PDE1C: variants seen among roughly 807,000 people sequenced by gnomAD.
The protein encoded by PDE1C is dual specificity calcium/calmodulin-dependent 3',5'-cyclic nucleotide phosphodiesterase 1C.
Under a neutral mutation model 93.1 loss-of-function variants are expected in PDE1C, and 62 were observed. That is an observed-to-expected ratio of 0.67 (90% CI 0.54 to 0.82). The LOEUF (loss-of-function observed/expected upper bound fraction) is 0.82, where lower values mean the gene tolerates loss of function less well. PDE1C is among the 40% of genes least tolerant of loss of function. The pLI, the probability that PDE1C is intolerant of heterozygous loss-of-function variation, is 0.00. For missense variants in PDE1C, 742 were observed against 884.6 expected, an observed-to-expected ratio of 0.84 and a Z score of 2.04; for synonymous variants, 325 against 310.1, an observed-to-expected ratio of 1.05 and a Z score of -0.50.
chr7:32,375,160 G>T (rs141461806), intron 1 of PDE1C, among the ~76,000 whole-genome samples: 3 of 152,174 alleles, frequency 2.0e-5, no homozygotes, highest in Non-Finnish European at 4.4e-5. Context: ...CTGGAGAGAA[G>T]GCAATACCAA....
At chr7:31,715,696 C>T in the PDE1C span, among the ~76,000 whole-genome samples, 2 of 152,168 alleles carry the variant, frequency 1.3e-5, no homozygotes, top group Non-Finnish European at 2.9e-5. Context: ...TCTTCTTGAC[C>T]TTGGGCCTAC....
Position 32,029,520 on chromosome 7 carries a change from G to T in PDE1C, c.128+22034C>A, listed in dbSNP as rs538293619. On this transcript the variant is annotated intron_variant, in intron 2 of 17. Coordinates refer to ENST00000396191, the MANE Select transcript of PDE1C (RefSeq NM_001191057.4). ...TGATAGAATAAATCAAGAAATAATA[G>T]GTGCAAAGCCATCTAGGGTCTGCAA... Among the ~76,000 whole-genome samples, 3 of 152,106 alleles carry T rather than the reference G, an allele frequency of 2.0e-5. No homozygotes were observed. In the South Asian group the frequency reaches 6.2e-4, roughly 32 times the overall value.
intron 17 of PDE1C, among the ~76,000 whole-genome samples, chr7:31,761,636 ATAGCTTTTAAAACTCT>A: frequency 6.6e-6 from 1 of 152,342 alleles, no homozygotes; most frequent in African/African-American, 2.4e-5. Flanking sequence ...TGGGAACCAC[ATAGCTTTTAAAACTCT>A]TAGTGCTCAA....
At chr7:31,925,788 G>T (rs1050489547) in intron 2 of PDE1C, among the ~76,000 whole-genome samples, 3 of 152,092 alleles carry the variant, frequency 2.0e-5, no homozygotes, top group African/African-American at 7.2e-5. Flanking sequence ...AAAGAATCAT[G>T]AATTTTCCTA....
chr7:31,876,486 C>T (rs1221528001), intron 5 of PDE1C, among the ~76,000 whole-genome samples: 1 of 152,114 alleles, frequency 6.6e-6, no homozygotes, highest in Non-Finnish European at 1.5e-5. Context: ...AAAGAGGCTT[C>T]AATTTGGAAG....
chr7:31,679,127 G>A, the PDE1C span, among the ~76,000 whole-genome samples: 4 of 152,046 alleles, frequency 2.6e-5, no homozygotes, highest in Non-Finnish European at 5.9e-5. Context: ...CTCGTTTTCC[G>A]ACCAGAATGC....
the PDE1C span, among the ~76,000 whole-genome samples, chr7:31,636,973 A>G: frequency 6.9e-6 from 1 of 145,096 alleles, no homozygotes; most frequent in Non-Finnish European, 1.5e-5. Context: ...CCTATGAGTG[A>G]GAACATGCGG....
At chr7:32,350,547 AATATATATATATATATATATATAT>A (rs1180195472) in intron 1 of PDE1C, among the ~76,000 whole-genome samples, 1 of 41,080 alleles carries the variant, frequency 2.4e-5, no homozygotes, top group African/African-American at 1.2e-4. Context: ...GCATTTGACT[AATATATATATATATATATATATAT>A]ATATATATAT....
chr7:32,052,567 T>C (rs576178363), intron 1 of PDE1C, among the ~76,000 whole-genome samples: 128 of 152,294 alleles, frequency 8.4e-4, no homozygotes, highest in African/African-American at 3.1e-3. Flanking sequence ...GGAAGTACAA[T>C]GTTTCCCAGT....
chr7:32,257,908 C>CGCT (rs1809919740), intron 1 of PDE1C, among the ~76,000 whole-genome samples: 1 of 152,196 alleles, frequency 6.6e-6, no homozygotes, highest in South Asian at 2.1e-4. Flanking sequence ...AGTGACCAGC[C>CGCT]CTCTCAGGGA....
chr7:32,293,941 C>T (rs1812484424), intron 1 of PDE1C, among the ~76,000 whole-genome samples: 1 of 152,186 alleles, frequency 6.6e-6, no homozygotes, highest in Admixed American at 6.5e-5. Context: ...AGCACAGAGA[C>T]CAGTCTGGGC....
At chr7:32,399,015 G>C (rs1021446570) in intron 1 of PDE1C, among the ~76,000 whole-genome samples, 40 of 152,154 alleles carry the variant, frequency 2.6e-4, no homozygotes, top group African/African-American at 9.2e-4. Flanking sequence ...TGTTTAACTG[G>C]GGGAGGGGCC....
At chr7:31,924,928 T>G (rs1218981040) in intron 2 of PDE1C, among the ~76,000 whole-genome samples, 1 of 152,194 alleles carries the variant, frequency 6.6e-6, no homozygotes, top group Non-Finnish European at 1.5e-5. Flanking sequence ...CAATGTATAA[T>G]TCTCAAATAT....
At position 32,176,708 on chromosome 7, in the gene PDE1C, C is replaced by T. The variant is rs1381181121; in HGVS notation, c.137-6752G>A. ...AAATATGCACACACACGTACTCACA[C>T]ACACACAGCAGAGAAATCTTGAACC... On this transcript the variant is annotated intron_variant, in intron 2 of 18. Transcript: ENST00000396193. Among the ~76,000 whole-genome samples the T allele has an allele frequency of 2.0e-5, 3 of 152,088 alleles. No homozygotes were observed. The East Asian group carries it at 5.8e-4, about 29-fold the overall frequency.
chr7:32,282,369 G>A (rs1434070398), intron 1 of PDE1C, among the ~76,000 whole-genome samples: 27 of 150,932 alleles, frequency 1.8e-4, no homozygotes, highest in Non-Finnish European at 2.7e-4. Context: ...CCAGCTACTC[G>A]GGAGGCTGAG....
intron 3 of PDE1C, among the ~76,000 whole-genome samples, chr7:32,134,316 T>G (rs895661968): frequency 6.6e-6 from 1 of 152,058 alleles, no homozygotes; most frequent in African/African-American, 2.4e-5. Context: ...CCAAAAAGAA[T>G]TCATTCAAGA....
chr7:31,659,161 A>T, the PDE1C span, among the ~76,000 whole-genome samples: 4 of 152,248 alleles, frequency 2.6e-5, no homozygotes, highest in Non-Finnish European at 4.4e-5. Flanking sequence ...TTATATATAT[A>T]TTTTTTAAAG....
rs1799950061 is a variant in PDE1C at position 32,132,126 on chromosome 7, C to T, written c.308+37659G>A. 2.0e-5 allele frequency among the ~76,000 whole-genome samples: 3 copies of T among 151,996 alleles called. 1 individual carries two copies. In the South Asian group the frequency reaches 6.2e-4, roughly 32 times the overall value. ...CATATGATGACTTAGGTAAAGGGTG[C>T]TTCAAGCAGAGGAAAGATTAAATGT... is the stretch of plus-strand genomic sequence containing the variant. On this transcript the variant is annotated intron_variant, in intron 3 of 18. Coordinates refer to the PDE1C transcript ENST00000396193.
intron 8 of PDE1C, among the ~76,000 whole-genome samples, chr7:31,848,495 T>C (rs920255206): frequency 6.6e-6 from 1 of 152,166 alleles, no homozygotes; most frequent in African/African-American, 2.4e-5. Context: ...TTATTTTAGT[T>C]GTAATTTTCA....
Sources: gnomAD v4.1 joint callset for allele counts (sites outside exome capture counted in the v4.1 genomes callset) on GRCh38, gnomAD v4.1.1 for gene constraint, MANE v1.5 for transcripts, NCBI Gene and HGNC (gene_info 2026-07-23, HGNC 2026-07-21) for gene names.